HMGB1: variants seen among roughly 807,000 people sequenced by gnomAD.
HMGB1 encodes high mobility group box 1.
For missense variants in HMGB1, 79 were observed against 253.5 expected (o/e 0.31, Z 4.67); for synonymous variants, 81 against 84.0 (o/e 0.96, Z 0.19).
rs552241044 is a variant in HMGB1, at chr13:30,547,650, A to G, written c.-15+69021T>C. ...TTTTTTTTTTTTTTAATACAAAGAT[A>G]TGGCTAGGCACAGTGGCTCACTTTG... On this transcript the variant is annotated intron_variant, in intron 1 of 4. Transcript: ENST00000405805. Among the ~76,000 whole-genome samples the G allele has an allele frequency of 1.7e-4, 26 of 152,024 alleles. 1 individual carries two copies. Among genetic ancestry groups the G allele is most frequent in the Admixed American group, 1.6e-3 (24 of 15,266 alleles).
chr13:30,572,569 T>G (rs1038327984), intron 1 of HMGB1, among the ~76,000 whole-genome samples: 1 of 152,224 alleles, frequency 6.6e-6, no homozygotes, highest in African/African-American at 2.4e-5. Context: ...TTTTACTTCT[T>G]AAGACATTTT....
chr13:30,464,581 G>T (rs1397373121), intron 1 of HMGB1: 2 of 984,046 alleles, frequency 2.0e-6, no homozygotes, highest in Non-Finnish European at 2.4e-6. Context: ...CTGCAGGCCC[G>T]CGCCGCCGCC....
chr13:30,569,073 G>T (rs1409401712), intron 1 of HMGB1, among the ~76,000 whole-genome samples: 1 of 151,980 alleles, frequency 6.6e-6, no homozygotes, highest in Non-Finnish European at 1.5e-5. Flanking sequence ...TACTCAGGAG[G>T]CTGAGGCAGA....
In HMGB1 at chr13:30,491,606, C is replaced by T. The variant is rs139841544; in HGVS notation, c.-14-27912G>A. 6.5e-4 allele frequency among the ~76,000 whole-genome samples: 96 copies of T among 148,644 alleles called. 2 individuals are homozygous for T. In the East Asian group the frequency reaches 0.015, roughly 22 times the overall value. On this transcript the variant is annotated intron_variant, in intron 1 of 4. Coordinates refer to the HMGB1 transcript ENST00000405805. ...TAAGCCTGGGAGGCAGAGGTTGCAG[C>T]GAGCCATGATGATGCCACTGGTCTA...
chr13:30,503,647 C>CTTTTTTTTTTT (rs10590461), intron 1 of HMGB1, among the ~76,000 whole-genome samples: 2 of 106,438 alleles, frequency 1.9e-5, no homozygotes, highest in African/African-American at 3.6e-5. Flanking sequence ...TACTCAGCTT[C>CTTTTTTTTTTT]TTTTTTTTTT....
intron 1 of HMGB1, among the ~76,000 whole-genome samples, chr13:30,473,715 A>G (rs1766599676): frequency 6.6e-6 from 1 of 152,206 alleles, no homozygotes; most frequent in Non-Finnish European, 1.5e-5. Flanking sequence ...AAGGTTAAAC[A>G]CAGATAGATA....
In HMGB1 at chr13:30,457,854, C is replaced by G. The variant is rs1886054926; in HGVS notation, c.*3503G>C. 6.6e-6 allele frequency: 1 copy of G among 150,978 alleles called. No homozygotes were observed. Among genetic ancestry groups the G allele is most frequent in the African/African-American group, 2.4e-5 (1 of 40,942 alleles). The allele number at this position is 150,978 out of a possible 1,614,324, so 9.4% of individuals were successfully genotyped here. A position where few individuals can be genotyped will look rare whatever the true frequency, so the allele number is the denominator to read the frequency against. ...CAAGTTGTGGCAAGTGTTATTAGCA[C>G]TGCCTTGGTATTAAGAGGACAAGAA... On this transcript the variant is annotated 3_prime_UTR_variant, in exon 5 of 5. Coordinates refer to ENST00000341423, the MANE Select transcript of HMGB1 (RefSeq NM_002128.7).
upstream of HMGB1, among the ~76,000 whole-genome samples, chr13:30,469,134 G>A (rs1886865863): frequency 1.3e-5 from 2 of 152,098 alleles, no homozygotes; most frequent in South Asian, 4.2e-4. Context: ...CAAGTGATCT[G>A]CCCGCCTCAG....
intron 1 of HMGB1, among the ~76,000 whole-genome samples, chr13:30,472,724 T>C (rs1886974869): frequency 6.6e-6 from 1 of 152,190 alleles, no homozygotes; most frequent in South Asian, 2.1e-4. Context: ...AGTCAAGCTA[T>C]ATGAATTCTC....
intron 1 of HMGB1, among the ~76,000 whole-genome samples, chr13:30,585,726 CTTT>C (rs1331651734): frequency 9.6e-4 from 146 of 152,010 alleles, no homozygotes; most frequent in Non-Finnish European, 1.8e-3. Context: ...GTATAAATAT[CTTT>C]TTTAACATCA....
At chr13:30,498,848 A>G (rs1017670909) in intron 1 of HMGB1, among the ~76,000 whole-genome samples, 1 of 151,574 alleles carries the variant, frequency 6.6e-6, no homozygotes, top group African/African-American at 2.4e-5. Flanking sequence ...GGGTTTCACC[A>G]TGTTGGCCAG....
intron 1 of HMGB1, among the ~76,000 whole-genome samples, chr13:30,499,068 T>A (rs1887678963): frequency 6.6e-6 from 1 of 151,898 alleles, no homozygotes; most frequent in South Asian, 2.1e-4. Flanking sequence ...TTTTCCTGCC[T>A]TAGTCTCCTA....
chr13:30,592,807 A>C (rs545140262), intron 1 of HMGB1, among the ~76,000 whole-genome samples: 1 of 151,306 alleles, frequency 6.6e-6, no homozygotes, highest in African/African-American at 2.4e-5. Context: ...TAATTTTACT[A>C]TTTACCTGTG....
At chr13:30,465,487 AT>A (rs937545833) in intron 1 of HMGB1, among the ~76,000 whole-genome samples, 19 of 148,666 alleles carry the variant, frequency 1.3e-4, no homozygotes, top group Admixed American at 1.1e-3. Flanking sequence ...CACGTTCAAA[AT>A]TTTTTTAATT....
At chr13:30,518,846 CAAAA>C (rs58109089) in intron 1 of HMGB1, among the ~76,000 whole-genome samples, 1 of 89,006 alleles carries the variant, frequency 1.1e-5, no homozygotes, top group Non-Finnish European at 2.5e-5. Flanking sequence ...GCTGGGACCA[CAAAA>C]AAAAAAAAAA....
chr13:30,612,976 T>G (rs1380602631), intron 1 of HMGB1, among the ~76,000 whole-genome samples: 1 of 152,230 alleles, frequency 6.6e-6, no homozygotes, highest in Non-Finnish European at 1.5e-5. Context: ...GAGAATATAC[T>G]GGAAAAAGCC....
intron 1 of HMGB1, among the ~76,000 whole-genome samples, chr13:30,588,388 T>C (rs1176289618): frequency 6.6e-6 from 1 of 152,184 alleles, no homozygotes; most frequent in Non-Finnish European, 1.5e-5. Context: ...GTGGATCATG[T>C]AGAACAGGGG....
chr13:30,488,784 G>A (rs1393411239), intron 1 of HMGB1, among the ~76,000 whole-genome samples: 2 of 151,626 alleles, frequency 1.3e-5, no homozygotes, highest in South Asian at 2.1e-4. Context: ...CTCCCAAAGT[G>A]CTGGGATTAC....
chr13:30,594,703 T>C (rs1871526261), intron 1 of HMGB1, among the ~76,000 whole-genome samples: 1 of 152,230 alleles, frequency 6.6e-6, no homozygotes, highest in Admixed American at 6.5e-5. Flanking sequence ...AGCGCAGGTG[T>C]CTTTCTGGCA....
Sources: allele counts gnomAD v4.1 joint callset (sites outside exome capture counted in the v4.1 genomes callset), GRCh38; gene constraint gnomAD v4.1.1; transcripts MANE v1.5; gene names NCBI Gene and HGNC (gene_info 2026-07-23, HGNC 2026-07-21).